Variants in CLN6 observed in about 807,000 individuals in gnomAD.
CLN6 encodes CLN6 transmembrane ER protein.
In CLN6, 22 loss-of-function variants were observed where a neutral mutation model predicts 33.3. The ratio of observed to expected loss-of-function variants is 0.66; its 90% CI spans 0.47 to 0.94. The LOEUF (loss-of-function observed/expected upper bound fraction) is 0.94. Ranked by LOEUF, CLN6 falls within the 40% of genes least tolerant of loss-of-function variation. The pLI is 0.00. For missense variants in CLN6, 387 were observed against 417.1 expected, an observed-to-expected ratio of 0.93 and a Z score of 0.63; for synonymous variants, 201 against 174.6, an observed-to-expected ratio of 1.15 and a Z score of -1.19.
chr15:68,208,094 G>GTC lies in CLN6; in HGVS notation c.*45_*46insGA. On this transcript the variant is annotated 3_prime_UTR_variant, in exon 7 of 7. Transcript: ENST00000249806. The surrounding 1 kb of genome is among the most constrained non-coding windows in gnomAD (Gnocchi z 5.8). ...CTCCTGTATTCAGATGCCCTCCATG[G>GTC]CCCACCCTCCCACCCAGCAGAGCGC... 2.9e-6 allele frequency: 4 copies of GTC among 1,375,276 alleles called. No homozygotes were observed. Among genetic ancestry groups the GTC allele is most frequent in the South Asian group, 1.3e-5 (1 of 79,428 alleles). The allele number at this position is 1,375,276 out of a possible 1,614,324, so 85.2% of individuals were successfully genotyped here.
chr15:68,249,624 C>T (rs1393217235), intron 1 of CLN6, among the ~76,000 whole-genome samples: 1 of 114,440 alleles, frequency 8.7e-6, no homozygotes, highest in African/African-American at 2.9e-5. Flanking sequence ...AAAAGTGAAT[C>T]TCATGAAGAT....
Position 68,242,036 on chromosome 15 carries a change from A to G in CLN6, c.179+14654T>C, listed in dbSNP as rs1892283960. Among the ~76,000 whole-genome samples, 1 of 152,226 alleles carries G rather than the reference A, an allele frequency of 6.6e-6. No individual in the cohort carries two copies. Among genetic ancestry groups the G allele is most frequent in the Non-Finnish European group, 1.5e-5 (1 of 68,038 alleles). ...TCCTTCAATGCAAAGATGTAGATGT[A>G]TATCCACAAGAAATAACAGGAAACA... is the stretch of plus-strand genomic sequence containing the variant. On this transcript the variant is annotated intron_variant, in intron 1 of 6. Coordinates refer to the CLN6 transcript ENST00000538696. The surrounding 1 kb of genome is among the most constrained non-coding windows in gnomAD (Gnocchi z 5.0).
rs1192982107 is a variant in CLN6 at position 68,209,411 on chromosome 15, G to A, written c.665+226C>T. Among the ~76,000 whole-genome samples the A allele has an allele frequency of 6.6e-6, 1 of 152,028 alleles. No homozygotes were observed. Among genetic ancestry groups the A allele is most frequent in the Non-Finnish European group, 1.5e-5 (1 of 67,994 alleles). On this transcript the variant is annotated intron_variant, in intron 6 of 6. Coordinates refer to ENST00000249806, the MANE Select transcript of CLN6 (RefSeq NM_017882.3). The surrounding 1 kb of genome is among the most constrained non-coding windows in gnomAD (Gnocchi z 4.9). ...GGATGGAGACAGACTGTGCAACCTCGCCCTCTCCTCCCACCTCCCTGCCAC... is the reference window on the plus strand; with the variant it reads ...GGATGGAGACAGACTGTGCAACCTCACCCTCTCCTCCCACCTCCCTGCCAC...
rs117042104 is a variant in CLN6, at chr15:68,246,525, A to G, written c.179+10165T>C. Among the ~76,000 whole-genome samples the G allele has an allele frequency of 1.5e-3, 234 of 152,204 alleles. 3 individuals carry two copies. The East Asian group carries it at 0.042, about 27-fold the overall frequency. On this transcript the variant is annotated intron_variant, in intron 1 of 6. Coordinates refer to the CLN6 transcript ENST00000538696. This position sits in a 1 kb window ranked among gnomAD's most constrained non-coding sequence, Gnocchi z 4.5. ...TTAAAAAATTTTTCAAACGAATCAAAATGGAAATAAACATAACAAAATATA... is the reference window on the plus strand; with the variant it reads ...TTAAAAAATTTTTCAAACGAATCAAGATGGAAATAAACATAACAAAATATA...
chr15:68,209,662 C>T lies in CLN6; in HGVS notation c.640G>A (p.Val214Met), dbSNP rs765491294. The T allele has an allele frequency of 5.6e-6, 9 of 1,613,382 alleles. No individual in the cohort carries two copies. In the Admixed American group the frequency reaches 1.3e-4, roughly 24 times the overall value. Residue 214 changes from valine (V) to methionine (M), a missense_variant, in exon 6 of 7, where the codon GTG (valine) becomes ATG (methionine). Coordinates refer to ENST00000249806, the MANE Select transcript of CLN6 (RefSeq NM_017882.3). The surrounding 1 kb of genome is among the most constrained non-coding windows in gnomAD (Gnocchi z 4.9). The part of the protein sequence containing the change: ...SLIPGPALLL[V>M]APSGLYYWYL... The stretch of plus-strand genomic sequence containing the variant: ...CAGTAGTACAGGCCACTGGGTGCCA[C>T]CAGGAGCAGGGCAGGCCCTGGAATC...
rs2093263485 is a variant in CLN6, at chr15:68,229,693, G to T, written c.-109C>A. On this transcript the variant is annotated 5_prime_UTR_variant, in exon 1 of 7. Coordinates refer to ENST00000249806, the MANE Select transcript of CLN6 (RefSeq NM_017882.3). ...TTCCCAGCGCGGGGCGGTTCGGGGC[G>T]GGCCGGCGAGAGCGCGCGGCCCTCG... 24 of 876,916 alleles carry T rather than the reference G, an allele frequency of 2.7e-5. No individual in the cohort carries two copies. The highest frequency in any genetic ancestry group is 3.7e-5 in the Non-Finnish European group (24 of 647,852). 54.3% of individuals were successfully genotyped at this position (876,916 alleles called of 1,614,324 possible).
intron 1 of CLN6, chr15:68,254,633 G>A (rs945533259): frequency 5.9e-5 from 39 of 661,250 alleles, no homozygotes; most frequent in African/African-American, 5.4e-4. Flanking sequence ...CGCCACCACC[G>A]TGCCCAGGAG....
chr15:68,254,392 G>C (rs576243224), intron 1 of CLN6, among the ~76,000 whole-genome samples: 1 of 152,262 alleles, frequency 6.6e-6, no homozygotes, highest in South Asian at 2.1e-4. Context: ...TGCTACCATA[G>C]CACTAGACAC....
intron 1 of CLN6, among the ~76,000 whole-genome samples, chr15:68,252,066 C>T (rs1474556939): frequency 1.3e-5 from 2 of 150,296 alleles, no homozygotes; most frequent in African/African-American, 2.5e-5. Flanking sequence ...CTCCGCCTTC[C>T]GGGTTCAAGC....
In CLN6 at chr15:68,216,623, T is replaced by C. The variant is rs1351150516; in HGVS notation, c.198+1913A>G. 2.0e-5 allele frequency among the ~76,000 whole-genome samples: 3 copies of C among 152,366 alleles called. No homozygotes were observed. The East Asian group carries it at 5.8e-4, about 29-fold the overall frequency. The stretch of plus-strand genomic sequence containing the variant: ...TCCTTAAATATTCCAGGTTGCTCTA[T>C]AGTATCCATAATTTCTGCTTAATTG... On this transcript the variant is annotated intron_variant, in intron 2 of 6. Transcript: ENST00000249806.
rs555515111 is a variant in CLN6 at position 68,236,916 on chromosome 15, G to A, written c.180-18266C>T. On this transcript the variant is annotated intron_variant, in intron 1 of 6. Transcript: ENST00000538696. The surrounding 1 kb of genome is among the most constrained non-coding windows in gnomAD (Gnocchi z 4.5). The stretch of plus-strand genomic sequence containing the variant: ...CTCACGCCTGTAATCCCAGCACTTT[G>A]GGAGGCCGAGGCGGGTGGATCATGA... Among the ~76,000 whole-genome samples, 3 of 151,956 alleles carry A rather than the reference G, an allele frequency of 2.0e-5. No individual in the cohort carries two copies. In the South Asian group the frequency reaches 6.2e-4, roughly 32 times the overall value.
chr15:68,248,781 A>G (rs1595831771), intron 1 of CLN6, among the ~76,000 whole-genome samples: 1 of 152,350 alleles, frequency 6.6e-6, no homozygotes, highest in South Asian at 2.1e-4. Flanking sequence ...CACAGACAAC[A>G]AAACCAAAAA....
chr15:68,211,237 G>A lies in CLN6; in HGVS notation c.542+26C>T, dbSNP rs759592282. On this transcript the variant is annotated intron_variant, in intron 5 of 6. Coordinates refer to ENST00000249806, the MANE Select transcript of CLN6 (RefSeq NM_017882.3). The surrounding 1 kb of genome is among the most constrained non-coding windows in gnomAD (Gnocchi z 5.9). ...GCTAGCCGGTAGTTGGGGCCCCTGGGATAGACAGATGGGCCCATCACTCAC... is the reference window on the plus strand; with the variant it reads ...GCTAGCCGGTAGTTGGGGCCCCTGGAATAGACAGATGGGCCCATCACTCAC... 1.2e-6 allele frequency: 2 copies of A among 1,611,476 alleles called. No individual in the cohort carries two copies. Among genetic ancestry groups the A allele is most frequent in the Middle Eastern group, 1.7e-4 (1 of 6,058 alleles).
chr15:68,208,094 G>GCCCCCCCCCCCCCCC lies in CLN6; in HGVS notation c.*45_*46insGGGGGGGGGGGGGGG. On this transcript the variant is annotated 3_prime_UTR_variant, in exon 7 of 7. Coordinates refer to ENST00000249806, the MANE Select transcript of CLN6 (RefSeq NM_017882.3). This position sits in a 1 kb window ranked among gnomAD's most constrained non-coding sequence, Gnocchi z 5.8. ...CTCCTGTATTCAGATGCCCTCCATG[G>GCCCCCCCCCCCCCCC]CCCACCCTCCCACCCAGCAGAGCGC... The GCCCCCCCCCCCCCCC allele has an allele frequency of 1.5e-6, 2 of 1,375,276 alleles. No individual in the cohort carries two copies. The highest frequency in any genetic ancestry group is 2.0e-6 in the Non-Finnish European group (2 of 992,022). The allele number at this position is 1,375,276 out of a possible 1,614,324, so 85.2% of individuals were successfully genotyped here.
intron 2 of CLN6, chr15:68,214,993 CAGAG>C (rs1325846154): frequency 2.5e-5 from 4 of 158,608 alleles, no homozygotes; most frequent in African/African-American, 9.6e-5. Context: ...TCTTCCTTCC[CAGAG>C]AGAGGAAGGC....
intron 1 of CLN6, among the ~76,000 whole-genome samples, chr15:68,226,586 C>T (rs916572542): frequency 2.0e-5 from 3 of 152,062 alleles, no homozygotes; most frequent in Non-Finnish European, 4.4e-5. Context: ...CCTGCCTCAG[C>T]CTCCCGAGTA....
chr15:68,222,662 G>A (rs1290368356), intron 1 of CLN6, among the ~76,000 whole-genome samples: 5 of 152,340 alleles, frequency 3.3e-5, no homozygotes, highest in East Asian at 1.9e-4. Flanking sequence ...CCATGATGAC[G>A]ATGGCAGTTT....
chr15:68,243,708 T>C (rs1178209331), intron 1 of CLN6, among the ~76,000 whole-genome samples: 1 of 150,216 alleles, frequency 6.7e-6, no homozygotes, highest in Non-Finnish European at 1.5e-5. Context: ...TGAGCCGATA[T>C]TGCGCCACTG....
At chr15:68,214,785 C>T (rs559705722) in intron 2 of CLN6, 10 of 310,152 alleles carry the variant, frequency 3.2e-5, no homozygotes, top group East Asian at 2.5e-4. Context: ...TTCTCTGGGC[C>T]TTGGTTTCCC....
Sources: gnomAD v4.1 joint callset for allele counts (sites outside exome capture counted in the v4.1 genomes callset) on GRCh38, gnomAD v4.1.1 for gene constraint, Gnocchi (gnomAD v3.1) non-coding constraint, MANE v1.5 for transcripts, NCBI Gene and HGNC (gene_info 2026-07-23, HGNC 2026-07-21) for gene names.